COX7A2L: variants seen among roughly 807,000 people sequenced by gnomAD.
COX7A2L encodes cytochrome c oxidase subunit 7A2-like, mitochondrial.
A neutral mutation model predicts 14.2 loss-of-function variants in COX7A2L; 18 were observed. That is an observed-to-expected ratio of 1.27 (90% CI 0.88 to 1.88). COX7A2L has a LOEUF of 1.88. Ranked by LOEUF, COX7A2L falls within the 40% of genes most tolerant of loss-of-function variation. The pLI, the probability that COX7A2L is intolerant of heterozygous loss-of-function variation, is 0.00. For synonymous variants in COX7A2L, 65 were observed against 57.4 expected (o/e 1.13, Z -0.60); for missense variants, 179 against 138.8 (o/e 1.29, Z -1.46).
intron 1 of COX7A2L, 81 bp downstream of exon 1, chr2:42,361,009 T>G (rs775982023): frequency 4.0e-6 from 6 of 1,493,962 alleles, no homozygotes; most frequent in Non-Finnish European, 5.5e-6. Context: ...AAGCCTCCCC[T>G]GGCTCCAACG....
intron 1 of COX7A2L, among the ~76,000 whole-genome samples, chr2:42,354,419 TCTAA>T (rs1670754497): frequency 6.6e-6 from 1 of 152,096 alleles, no homozygotes; most frequent in Admixed American, 6.6e-5. Context: ...TATGTTAAAT[TCTAA>T]CTAAGAAAAA....
chr2:42,368,129 C>A (rs960245467), intron 1 of COX7A2L, among the ~76,000 whole-genome samples: 19 of 152,326 alleles, frequency 1.2e-4, no homozygotes, highest in Admixed American at 4.6e-4. Context: ...TCATTAAGAA[C>A]AACCGAGTGG....
At position 42,338,995 on chromosome 2, in the gene COX7A2L, C is replaced by A. The variant is rs74351285; in HGVS notation, c.193-5126G>T. On this transcript the variant is annotated intron_variant, in intron 2 of 2. Transcript: ENST00000468711. The surrounding 1 kb of genome is among the most constrained non-coding windows in gnomAD (Gnocchi z 4.4). ...GAAGGCTGTCCCCTCTGATCACTGGCTGGAGCCTGCATCACAGTCACCCGT... is the reference window on the plus strand; with the variant it reads ...GAAGGCTGTCCCCTCTGATCACTGGATGGAGCCTGCATCACAGTCACCCGT... 2.6e-5 allele frequency among the ~76,000 whole-genome samples: 4 copies of A among 152,310 alleles called. No individual in the cohort carries two copies. In the East Asian group the frequency reaches 7.7e-4, roughly 29 times the overall value.
downstream of COX7A2L, among the ~76,000 whole-genome samples, chr2:42,348,585 G>A (rs891585109): frequency 1.3e-5 from 2 of 152,150 alleles, no homozygotes; most frequent in Non-Finnish European, 2.9e-5. Flanking sequence ...CTATCAGGAA[G>A]GGCACTGGGG....
chr2:42,353,243 T>C lies in COX7A2L; in HGVS notation c.173A>G (p.Asn58Ser), dbSNP rs1402036741. The C allele has an allele frequency of 6.2e-7, 1 of 1,614,130 alleles. No individual in the cohort carries two copies. The highest frequency in any genetic ancestry group is 8.5e-7 in the Non-Finnish European group (1 of 1,180,024). ...DSTVYDYAGK[N>S]KVPELQKFFQ... ...AAACTTTTGTAGCTCTGGAACTTTGTTTTTCCCAGCATAATCATACACTGT... is the reference window on the plus strand; with the variant it reads ...AAACTTTTGTAGCTCTGGAACTTTGCTTTTCCCAGCATAATCATACACTGT... The change falls in exon 2 of 3, where the codon AAC becomes AGC. Residue 58 changes from asparagine to serine, a missense_variant. By Grantham distance (46) the Asn-to-Ser change is conservative (BLOSUM62 1). Transcript: ENST00000234301.
At chr2:42,343,238 G>C (rs1219262505) in intron 2 of COX7A2L, among the ~76,000 whole-genome samples, 1 of 152,176 alleles carries the variant, frequency 6.6e-6, no homozygotes, top group East Asian at 1.9e-4. Context: ...GTCACAGAGA[G>C]CTCCCAGATC....
intron 2 of COX7A2L, among the ~76,000 whole-genome samples, chr2:42,336,368 A>G (rs1447631075): frequency 1.3e-5 from 2 of 152,232 alleles, no homozygotes; most frequent in Non-Finnish European, 2.9e-5. Flanking sequence ...GGATTCAACA[A>G]AATCGATTCC....
In COX7A2L at chr2:42,338,263, C is replaced by T. The variant is rs546571254; in HGVS notation, c.193-4394G>A. Among the ~76,000 whole-genome samples, 1 of 152,334 alleles carries T rather than the reference C, an allele frequency of 6.6e-6. No homozygotes were observed. Among genetic ancestry groups the T allele is most frequent in the East Asian group, 1.9e-4 (1 of 5,170 alleles). On this transcript the variant is annotated intron_variant, in intron 2 of 2. Transcript: ENST00000468711. This position sits in a 1 kb window ranked among gnomAD's most constrained non-coding sequence, Gnocchi z 4.4. The stretch of plus-strand genomic sequence containing the variant: ...CGGTTGATGTGTCGTTGGTACTCCT[C>T]CTCGGATGCCCTCTCCTGAAGCCAT...
intron 1 of COX7A2L, among the ~76,000 whole-genome samples, chr2:42,357,603 C>A (rs1056508063): frequency 6.6e-6 from 1 of 152,094 alleles, no homozygotes; most frequent in Non-Finnish European, 1.5e-5. Flanking sequence ...TGAGCCACCG[C>A]ACCTGACCTC....
At chr2:42,337,745 A>G (rs79686730) in intron 2 of COX7A2L, among the ~76,000 whole-genome samples, 2 of 152,204 alleles carry the variant, frequency 1.3e-5, no homozygotes, top group African/African-American at 2.4e-5. Context: ...AAAATAAAAT[A>G]TGTACATACT....
intron 2 of COX7A2L, among the ~76,000 whole-genome samples, chr2:42,336,729 G>A (rs2103869842): frequency 6.6e-6 from 1 of 152,328 alleles, no homozygotes; most frequent in South Asian, 2.1e-4. Flanking sequence ...CAAGCCAGAT[G>A]CCTTACAGCA....
chr2:42,353,684 A>C (rs987798613), intron 1 of COX7A2L, among the ~76,000 whole-genome samples: 3 of 152,188 alleles, frequency 2.0e-5, no homozygotes, highest in African/African-American at 7.2e-5. Context: ...GTAACATGGA[A>C]TGTCTAACCC....
In COX7A2L at chr2:42,353,297, G is replaced by A. The variant is rs1670707479; in HGVS notation, c.119C>T (p.Ala40Val). Residue 40 changes from alanine (A) to valine (V), a missense_variant, in exon 2 of 3, where the codon GCC (alanine) becomes GTC (valine). By Grantham distance (64) the Ala-to-Val change is moderately conservative (BLOSUM62 0). Coordinates refer to ENST00000234301, the MANE Select transcript of COX7A2L (RefSeq NM_004718.4). Reference sequence around the variant, plus strand: ...ATCGGAGGTCAGTTTAGTTGGTGTGGCAAATATGATAGGTGGTGCTTCTGT... The same window carrying A: ...ATCGGAGGTCAGTTTAGTTGGTGTGACAAATATGATAGGTGGTGCTTCTGT... ...VSTEAPPIIF[A>V]TPTKLTSDST... is the part of the protein sequence containing the mutation. 6.2e-7 allele frequency: 1 copy of A among 1,614,084 alleles called. No individual in the cohort carries two copies. The highest frequency in any genetic ancestry group is 1.3e-5 in the African/African-American group (1 of 75,010).
At chr2:42,337,571 T>C (rs540588220) in intron 2 of COX7A2L, among the ~76,000 whole-genome samples, 88 of 151,992 alleles carry the variant, frequency 5.8e-4, no homozygotes, top group Non-Finnish European at 1.0e-3. Flanking sequence ...TTCCATAGAG[T>C]GCACGCTGAA....
In COX7A2L at chr2:42,350,556, AAC is replaced by A. The variant is rs1670603700; in HGVS notation, c.*661_*662del. ...AAAATAAATCAAAATTTAAAGCTATAACATTTTTAAAAGATAAAGGAGAATTT... is the reference window on the plus strand; with the variant it reads ...AAAATAAATCAAAATTTAAAGCTATAATTTTTAAAAGATAAAGGAGAATTT... On this transcript the variant is annotated 3_prime_UTR_variant, in exon 3 of 3. Coordinates refer to ENST00000234301, the MANE Select transcript of COX7A2L (RefSeq NM_004718.4). 1 of 152,224 alleles carries A rather than the reference AAC, an allele frequency of 6.6e-6. No individual in the cohort carries two copies. Among genetic ancestry groups the A allele is most frequent in the Non-Finnish European group, 1.5e-5 (1 of 68,038 alleles). 9.4% of individuals were successfully genotyped at this position (152,224 alleles called of 1,614,324 possible). A position where few individuals can be genotyped will look rare whatever the true frequency, so the allele number is the denominator to read the frequency against.
chr2:42,352,861 A>T, intron 2 of COX7A2L: 2 of 293,594 alleles, frequency 6.8e-6, no homozygotes, highest in Non-Finnish European at 1.3e-5. Flanking sequence ...CCAAGTCATT[A>T]CATGTGTCAC....
At chr2:42,335,617 C>T (rs978790150) in intron 2 of COX7A2L, among the ~76,000 whole-genome samples, 4 of 152,210 alleles carry the variant, frequency 2.6e-5, no homozygotes, top group Non-Finnish European at 5.9e-5. Flanking sequence ...CGATTATCTC[C>T]ATTTCACAGA....
At chr2:42,360,938 G>T in intron 1 of COX7A2L, 152 bp downstream of exon 1, 1 of 749,832 alleles carries the variant, frequency 1.3e-6, no homozygotes. Flanking sequence ...ACCACCGTAC[G>T]CTGGTGTGGA....
rs1412254244 is a variant in COX7A2L, at chr2:42,349,675, G to A, written c.*1544C>T. The A allele has an allele frequency of 6.6e-6, 1 of 152,118 alleles. No homozygotes were observed. The highest frequency in any genetic ancestry group is 1.5e-5 in the Non-Finnish European group (1 of 68,026). The allele number at this position is 152,118 out of a possible 1,614,324, so 9.4% of individuals were successfully genotyped here. On this transcript the variant is annotated 3_prime_UTR_variant, in exon 3 of 3. Coordinates refer to ENST00000234301, the MANE Select transcript of COX7A2L (RefSeq NM_004718.4). ...TGAAGAACTCATTATTAGAACACCT[G>A]GGGAAATCTGAAAGTAAACTATGTA...
Sources: gnomAD v4.1 joint callset for allele counts (sites outside exome capture counted in the v4.1 genomes callset) on GRCh38, gnomAD v4.1.1 for gene constraint, Gnocchi (gnomAD v3.1) non-coding constraint, MANE v1.5 for transcripts, NCBI Gene and HGNC (gene_info 2026-07-23, HGNC 2026-07-21) for gene names.